The following LRP1B variants were observed in gnomAD, a reference collection of about 807,000 sequenced individuals.
The protein encoded by LRP1B is LDL receptor related protein 1B.
LRP1B carries 217 observed loss-of-function variants against 556.6 expected under a neutral mutation model. That is an observed-to-expected ratio of 0.39 (90% CI 0.35 to 0.44). The LOEUF (loss-of-function observed/expected upper bound fraction) is 0.44. Among genes scored for constraint, LRP1B ranks in the 20% least tolerant of loss-of-function variants. LRP1B has a pLI of 1.00. For synonymous variants in LRP1B, 2,047 were observed against 1,865.8 expected (o/e 1.10, Z -2.50); for missense variants, 5,053 against 5,620.8 (o/e 0.90, Z 3.23).
intron 2 of LRP1B, among the ~76,000 whole-genome samples, chr2:141,761,413 TAATA>T (rs56198477): frequency 0.83 from 125,527 of 151,308 alleles, 54,000 homozygotes; most frequent in Non-Finnish European, 0.94. Context: ...ACAAATAACT[TAATA>T]AATATTTATA....
intron 3 of LRP1B, among the ~76,000 whole-genome samples, chr2:141,475,816 T>C (rs1200329253): frequency 1.3e-5 from 2 of 152,022 alleles, no homozygotes; most frequent in East Asian, 3.9e-4. Flanking sequence ...GGGAAGATCA[T>C]CTCCCCACAC....
At chr2:141,095,172 G>C (rs1040389807) in intron 7 of LRP1B, among the ~76,000 whole-genome samples, 1 of 151,734 alleles carries the variant, frequency 6.6e-6, no homozygotes, top group African/African-American at 2.4e-5. Flanking sequence ...TCAGCCTCCA[G>C]AGCTGTGAGA....
intron 23 of LRP1B, among the ~76,000 whole-genome samples, chr2:140,894,502 G>A (rs146797739): frequency 0.011 from 1,598 of 148,866 alleles, 21 homozygotes; most frequent in African/African-American, 0.032. Context: ...AAAAATCAAA[G>A]ATAAGTTGAG....
chr2:141,448,967 C>T (rs953365180), intron 3 of LRP1B, among the ~76,000 whole-genome samples: 3 of 152,124 alleles, frequency 2.0e-5, no homozygotes, highest in Non-Finnish European at 4.4e-5. Flanking sequence ...TAAACAAGGC[C>T]GCTAAACTTT....
chr2:141,808,263 C>A (rs1212672918), intron 2 of LRP1B, among the ~76,000 whole-genome samples: 2 of 152,012 alleles, frequency 1.3e-5, no homozygotes, highest in African/African-American at 2.4e-5. Flanking sequence ...TGTGTCATGT[C>A]CTTGTTATTT....
intron 2 of LRP1B, among the ~76,000 whole-genome samples, chr2:141,616,881 G>A (rs968688951): frequency 6.6e-6 from 1 of 152,058 alleles, no homozygotes; most frequent in Non-Finnish European, 1.5e-5. Context: ...CTCTTCAATT[G>A]TAACTCTCTA....
chr2:141,345,334 T>A (rs1688208124), intron 3 of LRP1B, among the ~76,000 whole-genome samples: 1 of 152,192 alleles, frequency 6.6e-6, no homozygotes, highest in Non-Finnish European at 1.5e-5. Flanking sequence ...TAAGTTGTGG[T>A]AATCTGTTAT....
chr2:140,384,178 C>A (rs1282006318), intron 67 of LRP1B, among the ~76,000 whole-genome samples: 2 of 152,164 alleles, frequency 1.3e-5, no homozygotes, highest in Non-Finnish European at 2.9e-5. Flanking sequence ...GGCCTCTCAT[C>A]CACCTTCTTC....
At chr2:141,269,184 A>T (rs1165916241) in intron 3 of LRP1B, among the ~76,000 whole-genome samples, 1 of 152,200 alleles carries the variant, frequency 6.6e-6, no homozygotes, top group African/African-American at 2.4e-5. Context: ...ACTGTCAAAA[A>T]CAATGAATAT....
intron 3 of LRP1B, among the ~76,000 whole-genome samples, chr2:141,428,116 A>T (rs967357281): frequency 2.0e-5 from 3 of 151,952 alleles, no homozygotes; most frequent in Non-Finnish European, 4.4e-5. Context: ...TATCACTACC[A>T]TTTTTTTATG....
chr2:141,114,436 A>G (rs1700829965), intron 7 of LRP1B, among the ~76,000 whole-genome samples: 1 of 151,990 alleles, frequency 6.6e-6, no homozygotes, highest in African/African-American at 2.4e-5. Flanking sequence ...AGTGGGGTGG[A>G]AGGGAAGCTG....
chr2:141,978,045 C>T (rs911813713), intron 1 of LRP1B, among the ~76,000 whole-genome samples: 3 of 152,064 alleles, frequency 2.0e-5, no homozygotes, highest in Non-Finnish European at 2.9e-5. Context: ...TCGCAAACCA[C>T]ATAATTTTTT....
intron 2 of LRP1B, among the ~76,000 whole-genome samples, chr2:141,495,426 T>C (rs1683476893): frequency 6.6e-6 from 1 of 152,060 alleles, no homozygotes; most frequent in Non-Finnish European, 1.5e-5. Context: ...TCAACAGAAA[T>C]GTACAGAATG....
Position 140,503,109 on chromosome 2 carries a change from G to A in LRP1B, c.8522-6C>T, listed in dbSNP as rs1574012291. 1 of 1,611,950 alleles carries A rather than the reference G, an allele frequency of 6.2e-7. No individual in the cohort carries two copies. Among genetic ancestry groups the A allele is most frequent in the Non-Finnish European group, 8.5e-7 (1 of 1,178,612 alleles). On this transcript the variant is annotated splice_polypyrimidine_tract_variant and splice_region_variant and intron_variant, in intron 53 of 90. Transcript: ENST00000389484. ...TGTACCACACTGTCGATATCCTAGAGACGCAGAAAAAACATTTGACTAATT... is the reference window on the plus strand; with the variant it reads ...TGTACCACACTGTCGATATCCTAGAAACGCAGAAAAAACATTTGACTAATT...
intron 2 of LRP1B, among the ~76,000 whole-genome samples, chr2:141,616,297 A>AG (rs1559179324): frequency 1.3e-5 from 2 of 151,868 alleles, no homozygotes; most frequent in Non-Finnish European, 2.9e-5. Context: ...ATAAAAAAAA[A>AG]AAAAGAAAAA....
At chr2:141,376,564 A>T (rs909817180) in intron 3 of LRP1B, among the ~76,000 whole-genome samples, 1 of 152,194 alleles carries the variant, frequency 6.6e-6, no homozygotes, top group Non-Finnish European at 1.5e-5. Context: ...CTAGTAAGTC[A>T]TCTTGATCTG....
intron 2 of LRP1B, among the ~76,000 whole-genome samples, chr2:141,628,772 T>G (rs1041923162): frequency 1.3e-5 from 2 of 151,922 alleles, no homozygotes; most frequent in Non-Finnish European, 2.9e-5. Flanking sequence ...CAAAGCCTCC[T>G]GAGTAGCTGG....
At chr2:141,850,776 C>T (rs1030095179) in intron 1 of LRP1B, among the ~76,000 whole-genome samples, 5 of 151,436 alleles carry the variant, frequency 3.3e-5, no homozygotes, top group Non-Finnish European at 7.4e-5. Context: ...TCCCTCTGGT[C>T]CCCAAGCATT....
Position 141,331,514 on chromosome 2 carries a change from C to CTT in LRP1B, c.344-76875_344-76874dup, listed in dbSNP as rs1224196914. Among the ~76,000 whole-genome samples the CTT allele has an allele frequency of 5.7e-3, 358 of 63,084 alleles. 2 individuals are homozygous for CTT. Among genetic ancestry groups the CTT allele is most frequent in the African/African-American group, 0.029 (341 of 11,870 alleles). 41.4% of individuals were successfully genotyped at this position (63,084 alleles called of 152,430 possible). ...TCTTTCTTTCTTTCCTTCTTTCTTT[C>CTT]TTTCTTTCTCTTTCTTTCTTTCTTT... On this transcript the variant is annotated intron_variant, in intron 3 of 90. Transcript: ENST00000389484.
Sources: gnomAD v4.1 joint callset for allele counts (sites outside exome capture counted in the v4.1 genomes callset) on GRCh38, gnomAD v4.1.1 for gene constraint, MANE v1.5 for transcripts, NCBI Gene and HGNC (gene_info 2026-07-23, HGNC 2026-07-21) for gene names.